HHAT: variants seen among roughly 807,000 people sequenced by gnomAD.
HHAT encodes protein-cysteine N-palmitoyltransferase HHAT.
HHAT carries 47 observed loss-of-function variants against 70.8 expected under a neutral mutation model. The ratio of observed to expected loss-of-function variants is 0.66; its 90% CI spans 0.53 to 0.85. HHAT has a LOEUF of 0.85. Ranked by LOEUF, HHAT falls within the 40% of genes least tolerant of loss-of-function variation. The pLI is 0.00. For missense variants in HHAT, 609 were observed against 604.8 expected (o/e 1.01, Z -0.07); for synonymous variants, 228 against 247.6 (o/e 0.92, Z 0.74).
upstream of HHAT, among the ~76,000 whole-genome samples, chr1:210,327,730 T>C (rs998815328): frequency 1.2e-4 from 18 of 152,162 alleles, no homozygotes; most frequent in African/African-American, 4.3e-4. Context: ...GGTCTCAAAC[T>C]CCTGGCCTCA....
At chr1:210,383,676 A>G (rs1043348947) in intron 3 of HHAT, among the ~76,000 whole-genome samples, 5 of 152,162 alleles carry the variant, frequency 3.3e-5, no homozygotes, top group African/African-American at 1.2e-4. Flanking sequence ...GAACAAATAT[A>G]TTACTGTGGT....
intron 9 of HHAT, among the ~76,000 whole-genome samples, chr1:210,576,336 A>T (rs375743066): frequency 6.6e-6 from 1 of 152,118 alleles, no homozygotes; most frequent in East Asian, 1.9e-4. Flanking sequence ...GTACAATTTG[A>T]TGAGTTTGGA....
intron 9 of HHAT, among the ~76,000 whole-genome samples, chr1:210,526,937 C>T (rs561468372): frequency 2.0e-5 from 3 of 152,242 alleles, no homozygotes; most frequent in East Asian, 1.9e-4. Flanking sequence ...GATGGGGACA[C>T]TAGGATAATA....
Position 210,387,551 on chromosome 1 carries a change from G to A in HHAT, c.243G>A (p.Val81=), listed in dbSNP as rs1416433386. ...LVWLLLGHMV[V]SQMATLLARK... ...GGCTTCTCCTTGGCCACATGGTAGT[G>A]TCTCAAATGGCCACACTGCTGGCAA... The change falls in exon 4 of 12, where the codon GTG becomes GTA. Residue 81 remains valine (V), a synonymous_variant. Transcript: ENST00000261458. The A allele has an allele frequency of 4.3e-6, 7 of 1,613,972 alleles. No homozygotes were observed. The highest frequency in any genetic ancestry group is 5.1e-6 in the Non-Finnish European group (6 of 1,179,860).
At chr1:210,629,279 A>T (rs1670416177) in intron 11 of HHAT, among the ~76,000 whole-genome samples, 1 of 152,250 alleles carries the variant, frequency 6.6e-6, no homozygotes, top group Non-Finnish European at 1.5e-5. Flanking sequence ...AGCCAAGTCA[A>T]CCAGGCATAG....
intron 4 of HHAT, among the ~76,000 whole-genome samples, chr1:210,390,479 A>AAGAT (rs143372436): frequency 0.81 from 123,207 of 151,654 alleles, 50,765 homozygotes; most frequent in African/African-American, 0.95. Flanking sequence ...CATAAACATA[A>AAGAT]AGATAGGTCT....
chr1:210,412,089 A>G lies in HHAT; in HGVS notation c.685-6065A>G, dbSNP rs538144748. Among the ~76,000 whole-genome samples, 9 of 152,254 alleles carry G rather than the reference A, an allele frequency of 5.9e-5. No homozygotes were observed. In the South Asian group the frequency reaches 1.2e-3, roughly 21 times the overall value. Reference sequence around the variant, plus strand: ...TGTCACTGTGTGCTTTTGTGGTGGAAGGGGTCTAACTCTTTGGCGTCTCTT... The same window carrying G: ...TGTCACTGTGTGCTTTTGTGGTGGAGGGGGTCTAACTCTTTGGCGTCTCTT... On this transcript the variant is annotated intron_variant, in intron 6 of 11. Transcript: ENST00000261458.
rs181462944 is a variant in HHAT at position 210,351,639 on chromosome 1, T to C, written c.91+2573T>C. ...GGGCTGCAGTCATCTGGTGGCTCGA[T>C]TGGGCTCACTCATCCAGGGTGGCTC... On this transcript the variant is annotated intron_variant, in intron 2 of 11. Coordinates refer to ENST00000261458, the MANE Select transcript of HHAT (RefSeq NM_018194.6). Among the ~76,000 whole-genome samples, 317 of 152,314 alleles carry C rather than the reference T, an allele frequency of 2.1e-3. 11 individuals are homozygous for C. Among genetic ancestry groups the C allele is most frequent in the Non-Finnish European group, 8.4e-4 (57 of 68,038 alleles).
intron 9 of HHAT, among the ~76,000 whole-genome samples, chr1:210,549,172 A>G (rs2095508535): frequency 7.6e-6 from 1 of 131,930 alleles, no homozygotes; most frequent in Non-Finnish European, 1.5e-5. Context: ...CAAATGGCAT[A>G]ACACATGTAA....
Position 210,418,272 on chromosome 1 carries a change from A to C in HHAT, c.803A>C (p.His268Pro). 1 of 1,613,368 alleles carries C rather than the reference A, an allele frequency of 6.2e-7. No individual in the cohort carries two copies. ...CTGATGGCTCACCTGATGTACATGC[A>C]TGCCATCTACAGCAGCATCCCCCTC... Reference protein sequence around the residue: ...AELMAHLMYMHAIYSSIPLLE... With the variant: ...AELMAHLMYMPAIYSSIPLLE... The change falls in exon 7 of 12, where the codon CAT (histidine) becomes CCT (proline). Residue 268 changes from histidine to proline, a missense_variant. Transcript: ENST00000261458.
intron 11 of HHAT, among the ~76,000 whole-genome samples, chr1:210,645,313 T>TG: frequency 6.6e-6 from 1 of 152,228 alleles, no homozygotes; most frequent in Non-Finnish European, 1.5e-5. Context: ...AGTCTCTCTC[T>TG]GTCGCCCAGG....
intron 9 of HHAT, among the ~76,000 whole-genome samples, chr1:210,584,172 C>T (rs1659904748): frequency 2.0e-5 from 3 of 151,774 alleles, no homozygotes; most frequent in Admixed American, 6.6e-5. Flanking sequence ...GAACTCCTGA[C>T]CTCAAGTGAC....
chr1:210,491,225 C>T (rs2094547871), intron 8 of HHAT, among the ~76,000 whole-genome samples: 1 of 152,148 alleles, frequency 6.6e-6, no homozygotes, highest in African/African-American at 2.4e-5. Context: ...AGGCCCATCA[C>T]CATCTCTCGG....
At chr1:210,512,803 T>C (rs551619037) in intron 8 of HHAT, among the ~76,000 whole-genome samples, 11 of 151,468 alleles carry the variant, frequency 7.3e-5, no homozygotes, top group Non-Finnish European at 1.3e-4. Context: ...ACCTGGGAGA[T>C]CTCCTCTCAT....
At chr1:210,525,469 C>G (rs6688831) in intron 9 of HHAT, among the ~76,000 whole-genome samples, 1 of 151,944 alleles carries the variant, frequency 6.6e-6, no homozygotes, top group Admixed American at 6.5e-5. Flanking sequence ...AGGGCCTTGA[C>G]GATTATGTTC....
chr1:210,645,788 C>A (rs944271356), intron 11 of HHAT, among the ~76,000 whole-genome samples: 8 of 152,122 alleles, frequency 5.3e-5, no homozygotes, highest in African/African-American at 1.9e-4. Context: ...AGTTTGGGTC[C>A]CTCCTGTGCA....
chr1:210,380,914 A>C (rs1478228193), intron 3 of HHAT, among the ~76,000 whole-genome samples: 1 of 152,052 alleles, frequency 6.6e-6, no homozygotes, highest in Non-Finnish European at 1.5e-5. Context: ...TTTATGAAGA[A>C]CTGCATGAGT....
intron 9 of HHAT, among the ~76,000 whole-genome samples, chr1:210,547,067 C>T (rs141260484): frequency 1.1e-4 from 17 of 152,226 alleles, no homozygotes; most frequent in South Asian, 2.1e-4. Context: ...TGGTGGCTCA[C>T]GCCTGTAATC....
intron 8 of HHAT, among the ~76,000 whole-genome samples, chr1:210,504,824 A>G (rs2094821700): frequency 6.6e-6 from 1 of 151,944 alleles, no homozygotes; most frequent in Non-Finnish European, 1.5e-5. Flanking sequence ...TTGACTGCCA[A>G]CTGGGATCAT....
Sources: gnomAD v4.1 joint callset for allele counts (sites outside exome capture counted in the v4.1 genomes callset) on GRCh38, gnomAD v4.1.1 for gene constraint, MANE v1.5 for transcripts, NCBI Gene and HGNC (gene_info 2026-07-23, HGNC 2026-07-21) for gene names.